The following JMJD1C variants were observed in gnomAD, a reference collection of about 807,000 sequenced individuals.
The protein encoded by JMJD1C is jumonji domain containing 1C.
Under a neutral mutation model 245.3 loss-of-function variants are expected in JMJD1C, and 31 were observed. That is an observed-to-expected ratio of 0.13 (90% CI 0.09 to 0.17). The LOEUF is 0.17. Ranked by LOEUF, JMJD1C falls within the 10% of genes least tolerant of loss-of-function variation. The pLI, the probability that JMJD1C is intolerant of heterozygous loss-of-function variation, is 1.00. For synonymous variants in JMJD1C, 1,057 were observed against 1,017.4 expected (o/e 1.04, Z -0.74); for missense variants, 2,691 against 3,000.2 (o/e 0.90, Z 2.41).
At chr10:63,317,489 G>A (rs1045771612) in intron 2 of JMJD1C, among the ~76,000 whole-genome samples, 5 of 152,000 alleles carry the variant, frequency 3.3e-5, no homozygotes, top group Admixed American at 6.6e-5. Context: ...CTATTTGAAT[G>A]TATGTCTCTA....
intron 12 of JMJD1C, among the ~76,000 whole-genome samples, chr10:63,198,065 T>G (rs1476322551): frequency 6.6e-6 from 1 of 152,222 alleles, no homozygotes; most frequent in East Asian, 1.9e-4. Context: ...TAAGTAAACA[T>G]AATTAACATA....
intron 1 of JMJD1C, among the ~76,000 whole-genome samples, chr10:63,404,914 C>T (rs1236851118): frequency 1.3e-5 from 2 of 152,238 alleles, no homozygotes; most frequent in Non-Finnish European, 2.9e-5. Context: ...GTTCTAAGTC[C>T]ATTTTCTGAA....
intron 2 of JMJD1C, among the ~76,000 whole-genome samples, chr10:63,328,105 C>T (rs1275762306): frequency 3.3e-5 from 5 of 151,892 alleles, no homozygotes; most frequent in African/African-American, 1.2e-4. Flanking sequence ...CAAAACTCCA[C>T]CTCTACTAAA....
intron 1 of JMJD1C, among the ~76,000 whole-genome samples, chr10:63,437,682 C>A (rs936841382): frequency 1.3e-5 from 2 of 151,258 alleles, no homozygotes; most frequent in Admixed American, 1.4e-4. Context: ...TGTCTCCAAT[C>A]TACTACCTCC....
intron 1 of JMJD1C, among the ~76,000 whole-genome samples, chr10:63,392,867 AACACACACACACACACACACAC>A (rs34778084): frequency 2.0e-4 from 23 of 112,282 alleles, no homozygotes; most frequent in East Asian, 7.7e-4. Context: ...AAAGTACATA[AACACACACACACACACACACAC>A]ACACACACAC....
chr10:63,462,732 T>G (rs1952885479), intron 1 of JMJD1C, among the ~76,000 whole-genome samples: 1 of 152,124 alleles, frequency 6.6e-6, no homozygotes, highest in African/African-American at 2.4e-5. Flanking sequence ...TTCTAAAAAC[T>G]AGAAAAGGAA....
At chr10:63,349,456 G>A (rs1564818594) in intron 2 of JMJD1C, among the ~76,000 whole-genome samples, 1 of 152,210 alleles carries the variant, frequency 6.6e-6, no homozygotes, top group Non-Finnish European at 1.5e-5. Context: ...TTGGGGAGAA[G>A]AAAGTAAAAA....
chr10:63,196,384 T>C (rs774798831), intron 13 of JMJD1C, among the ~76,000 whole-genome samples: 5 of 152,224 alleles, frequency 3.3e-5, no homozygotes, highest in Admixed American at 6.5e-5. Context: ...TTTATAACAA[T>C]TGAAAATATC....
intron 24 of JMJD1C, among the ~76,000 whole-genome samples, chr10:63,174,257 CTAT>C (rs1564548638): frequency 6.6e-6 from 1 of 152,114 alleles, no homozygotes; most frequent in African/African-American, 2.4e-5. Flanking sequence ...ATAGCTTTAT[CTAT>C]TATTGCCCCA....
At chr10:63,478,048 A>G (rs958694858) in intron 1 of JMJD1C, among the ~76,000 whole-genome samples, 6 of 152,162 alleles carry the variant, frequency 3.9e-5, no homozygotes, top group African/African-American at 1.4e-4. Flanking sequence ...AAAGGAAGAT[A>G]AGGAACAATC....
intron 1 of JMJD1C, among the ~76,000 whole-genome samples, chr10:63,519,251 C>T (rs554235895): frequency 1.3e-5 from 2 of 152,182 alleles, no homozygotes; most frequent in Non-Finnish European, 2.9e-5. Flanking sequence ...GAGCAGCCAG[C>T]CATCCTACCT....
At chr10:63,331,176 TA>T (rs1259703876) in intron 2 of JMJD1C, among the ~76,000 whole-genome samples, 2 of 152,182 alleles carry the variant, frequency 1.3e-5, no homozygotes, top group Admixed American at 6.6e-5. Context: ...CATTTCTTAT[TA>T]TTCTCCTAGA....
At chr10:63,328,191 T>C (rs1941744062) in intron 2 of JMJD1C, among the ~76,000 whole-genome samples, 1 of 151,778 alleles carries the variant, frequency 6.6e-6, no homozygotes, top group Non-Finnish European at 1.5e-5. Context: ...AGGAGAATCA[T>C]TTGAACCCCG....
rs553707801 is a variant in JMJD1C at position 63,492,129 on chromosome 10, G to C, written n.113+29609C>G. On this transcript the variant is annotated intron_variant and non_coding_transcript_variant, in intron 1 of 3. Coordinates refer to the JMJD1C transcript ENST00000633035. Reference sequence around the variant, plus strand: ...GCTCTCTGCACCCTCGACCTCCTGGGCTCAAGGGATCCTCCCGCCTCAGCC... The same window carrying C: ...GCTCTCTGCACCCTCGACCTCCTGGCCTCAAGGGATCCTCCCGCCTCAGCC... 3.3e-5 allele frequency among the ~76,000 whole-genome samples: 5 copies of C among 152,256 alleles called. No homozygotes were observed. The East Asian group carries it at 9.7e-4, about 29-fold the overall frequency.
At chr10:63,342,806 C>A (rs1943491387) in intron 2 of JMJD1C, among the ~76,000 whole-genome samples, 1 of 152,320 alleles carries the variant, frequency 6.6e-6, no homozygotes, top group East Asian at 1.9e-4. Context: ...ACATGGGTGG[C>A]TGCAATAGTG....
chr10:63,237,878 GA>G (rs1374831203), intron 3 of JMJD1C, among the ~76,000 whole-genome samples: 13 of 151,188 alleles, frequency 8.6e-5, no homozygotes, highest in Non-Finnish European at 1.5e-4. Flanking sequence ...TACACAAAAA[GA>G]AAAAAAGGCG....
chr10:63,377,355 AC>A (rs1946825285), intron 2 of JMJD1C, among the ~76,000 whole-genome samples: 1 of 152,214 alleles, frequency 6.6e-6, no homozygotes, highest in African/African-American at 2.4e-5. Flanking sequence ...TGTACTTACT[AC>A]CAATGACCCG....
In JMJD1C at chr10:63,184,729, A is replaced by C; in HGVS notation, c.6840T>G (p.Asp2280Glu). ...CTGGCAATGGCAGACTTTTTAAAAG[A>C]TCTTCGTATCTGAAGAAAAACAACA... is the stretch of plus-strand genomic sequence containing the variant. ...FKTMMPARYEDLLKSLPLPEY... is the reference protein window; with the variant it reads ...FKTMMPARYEELLKSLPLPEY... The change falls in exon 21 of 26, where the codon GAT (aspartate) becomes GAG (glutamate). Residue 2280 changes from aspartate to glutamate, a missense_variant. This residue lies in a region of JMJD1C where 232 missense variants were observed against 416.1 expected (regional missense o/e 0.56). Coordinates refer to ENST00000399262, the MANE Select transcript of JMJD1C (RefSeq NM_032776.3). 6.2e-7 allele frequency: 1 copy of C among 1,604,872 alleles called. No individual in the cohort carries two copies. The highest frequency in any genetic ancestry group is 8.5e-7 in the Non-Finnish European group (1 of 1,177,222).
chr10:63,327,315 A>G (rs1462264167), intron 2 of JMJD1C, among the ~76,000 whole-genome samples: 1 of 152,212 alleles, frequency 6.6e-6, no homozygotes, highest in Non-Finnish European at 1.5e-5. Context: ...CCTTCATTCC[A>G]ATACTTTGCT....
Sources: gnomAD v4.1 joint callset for allele counts (sites outside exome capture counted in the v4.1 genomes callset) on GRCh38, gnomAD v4.1.1 for gene constraint, gnomAD v4.1.1 regional missense constraint, MANE v1.5 for transcripts, NCBI Gene and HGNC (gene_info 2026-07-23, HGNC 2026-07-21) for gene names.